ALK: variants seen among roughly 807,000 people sequenced by gnomAD.
The protein encoded by ALK is ALK tyrosine kinase receptor.
A neutral mutation model predicts 163.1 loss-of-function variants in ALK; 74 were observed. That is an observed-to-expected ratio of 0.45 (90% CI 0.38 to 0.55). ALK has a LOEUF of 0.55. Ranked by LOEUF, ALK falls within the 20% of genes least tolerant of loss-of-function variation. The pLI, the probability that ALK is intolerant of heterozygous loss-of-function variation, is 0.00. For missense variants in ALK, 2,063 were observed against 2,105.3 expected (o/e 0.98, Z 0.39); for synonymous variants, 960 against 843.2 (o/e 1.14, Z -2.40).
intron 3 of ALK, among the ~76,000 whole-genome samples, chr2:29,576,356 C>T (rs1280021593): frequency 6.6e-6 from 1 of 152,188 alleles, no homozygotes; most frequent in African/African-American, 2.4e-5. Context: ...GCTGCCGGCC[C>T]GTCTGGGTGT....
intron 23 of ALK, among the ~76,000 whole-genome samples, chr2:29,214,885 A>T (rs1306395033): frequency 6.6e-6 from 1 of 152,232 alleles, no homozygotes; most frequent in Non-Finnish European, 1.5e-5. Context: ...CACGGTGATG[A>T]AGTTCCAGAG....
At chr2:29,328,797 T>C (rs1394483523) in intron 5 of ALK, among the ~76,000 whole-genome samples, 1 of 152,160 alleles carries the variant, frequency 6.6e-6, no homozygotes, top group Non-Finnish European at 1.5e-5. Context: ...CCCATGACTT[T>C]AGTGTGCCAA....
intron 4 of ALK, among the ~76,000 whole-genome samples, chr2:29,482,198 G>A (rs892050000): frequency 6.6e-6 from 1 of 152,220 alleles, no homozygotes; most frequent in Non-Finnish European, 1.5e-5. Flanking sequence ...TGGGCTTGCA[G>A]AGATATTGCT....
chr2:29,649,121 T>C (rs1427211881), intron 3 of ALK, among the ~76,000 whole-genome samples: 5 of 152,086 alleles, frequency 3.3e-5, no homozygotes, highest in South Asian at 2.1e-4. Context: ...TTTATAATTA[T>C]ATGATATTGT....
intron 4 of ALK, among the ~76,000 whole-genome samples, chr2:29,458,859 T>C (rs1261583837): frequency 6.6e-6 from 1 of 152,162 alleles, no homozygotes; most frequent in East Asian, 1.9e-4. Context: ...TGCCCTTTTG[T>C]TTGGTGTTCC....
At chr2:29,719,500 G>C (rs1457914966) in intron 1 of ALK, among the ~76,000 whole-genome samples, 1 of 152,154 alleles carries the variant, frequency 6.6e-6, no homozygotes, top group African/African-American at 2.4e-5. Flanking sequence ...CTTTGGGTGG[G>C]GTTAAGTTTA....
chr2:29,772,670 C>T (rs537363698), intron 1 of ALK, among the ~76,000 whole-genome samples: 7 of 152,188 alleles, frequency 4.6e-5, no homozygotes, highest in Non-Finnish European at 7.3e-5. Flanking sequence ...AAGGGCGTCT[C>T]GCTGCTGAGA....
At chr2:29,828,673 T>C (rs1237248956) in intron 1 of ALK, among the ~76,000 whole-genome samples, 1 of 152,154 alleles carries the variant, frequency 6.6e-6, no homozygotes, top group Non-Finnish European at 1.5e-5. Context: ...CAACAGGTGC[T>C]GGAGAGGATG....
At chr2:29,596,476 A>G (rs549626221) in intron 3 of ALK, among the ~76,000 whole-genome samples, 1 of 152,160 alleles carries the variant, frequency 6.6e-6, no homozygotes, top group South Asian at 2.1e-4. Context: ...CCCTGAAGAG[A>G]GAGTGATTTG....
At chr2:29,518,005 C>T (rs1272788770) in intron 4 of ALK, among the ~76,000 whole-genome samples, 5 of 152,126 alleles carry the variant, frequency 3.3e-5, no homozygotes, top group Admixed American at 1.3e-4. Context: ...GAAGTTCTCA[C>T]CTAGTTCAAG....
Position 29,307,986 on chromosome 2 carries a change from A to G in ALK, c.1647+10318T>C, listed in dbSNP as rs867062231. 3.3e-5 allele frequency among the ~76,000 whole-genome samples: 5 copies of G among 152,274 alleles called. No homozygotes were observed. In the South Asian group the frequency reaches 1.0e-3, roughly 32 times the overall value. ...CTCTTTCTAAAAACATGAAGGCCACATACAAAAATAATCACCTTGAGATCT... is the reference window on the plus strand; with the variant it reads ...CTCTTTCTAAAAACATGAAGGCCACGTACAAAAATAATCACCTTGAGATCT... On this transcript the variant is annotated intron_variant, in intron 8 of 28. Transcript: ENST00000389048.
At chr2:29,431,029 T>C (rs1670260440) in intron 4 of ALK, among the ~76,000 whole-genome samples, 1 of 150,000 alleles carries the variant, frequency 6.7e-6, no homozygotes, top group South Asian at 2.1e-4. Flanking sequence ...ATCTCAGGGA[T>C]AAGAGTAAGA....
intron 8 of ALK, among the ~76,000 whole-genome samples, chr2:29,311,418 C>T (rs1666691312): frequency 6.6e-6 from 1 of 152,148 alleles, no homozygotes; most frequent in Non-Finnish European, 1.5e-5. Flanking sequence ...TACCCAAAGC[C>T]ACAGGGCAAA....
intron 1 of ALK, among the ~76,000 whole-genome samples, chr2:29,872,365 C>T (rs142614947): frequency 6.6e-6 from 1 of 152,316 alleles, no homozygotes; most frequent in African/African-American, 2.4e-5. Context: ...AAACTAGATA[C>T]AGACGTTCCT....
intron 4 of ALK, among the ~76,000 whole-genome samples, chr2:29,413,409 C>T (rs145067955): frequency 1.2e-3 from 188 of 151,994 alleles, no homozygotes; most frequent in Non-Finnish European, 2.3e-3. Context: ...TGCAGTGGCA[C>T]GATCTTGACT....
chr2:29,260,975 T>C (rs1006976889), intron 11 of ALK, among the ~76,000 whole-genome samples: 2 of 152,216 alleles, frequency 1.3e-5, no homozygotes, highest in East Asian at 3.8e-4. Flanking sequence ...TCAATATTGA[T>C]TTTATCCCCA....
At chr2:29,398,310 G>A (rs1321363579) in intron 4 of ALK, among the ~76,000 whole-genome samples, 2 of 152,168 alleles carry the variant, frequency 1.3e-5, no homozygotes, top group African/African-American at 4.8e-5. Flanking sequence ...TTCTGGAAAG[G>A]ACAGGCTGCT....
At chr2:29,232,514 C>A in intron 14 of ALK, 66 bp from the exon 15 acceptor site, 1 of 1,604,810 alleles carries the variant, frequency 6.2e-7, no homozygotes, top group Admixed American at 1.7e-5. Flanking sequence ...CCCCTAAGCT[C>A]TGGTAAATTC....
intron 1 of ALK, among the ~76,000 whole-genome samples, chr2:29,770,894 C>A (rs72851988): frequency 0.012 from 1,757 of 151,940 alleles, 28 homozygotes; most frequent in African/African-American, 0.041. Flanking sequence ...CACAGCCACA[C>A]ACACAGTCTC....
Sources: allele counts gnomAD v4.1 joint callset (sites outside exome capture counted in the v4.1 genomes callset), GRCh38; gene constraint gnomAD v4.1.1; transcripts MANE v1.5; gene names NCBI Gene and HGNC (gene_info 2026-07-23, HGNC 2026-07-21).